The following SLX4IP variants were observed in gnomAD, a reference collection of about 807,000 sequenced individuals.
SLX4IP encodes the protein protein SLX4IP.
Under a neutral mutation model 32.9 loss-of-function variants are expected in SLX4IP, and 34 were observed. The observed-to-expected ratio is 1.03, with a 90% CI of 0.79 to 1.38. SLX4IP has a LOEUF of 1.38. Ranked by LOEUF, SLX4IP falls within the 40% of genes most tolerant of loss-of-function variation. The pLI, the probability that SLX4IP is intolerant of heterozygous loss-of-function variation, is 0.00. For synonymous variants in SLX4IP, 172 were observed against 171.7 expected (o/e 1.00, Z -0.01); for missense variants, 444 against 479.0 (o/e 0.93, Z 0.68).
At chr20:10,560,955 T>C in intron 4 of SLX4IP, 135 bp downstream of exon 4, 9 of 908,078 alleles carry the variant, frequency 9.9e-6, no homozygotes, top group Non-Finnish European at 1.3e-5. Context: ...ATGAAGATAC[T>C]TTGTTTGGGT....
chr20:10,481,083 T>C (rs1317743203), intron 2 of SLX4IP, among the ~76,000 whole-genome samples: 1 of 30 alleles, frequency 0.033, no homozygotes, highest in Non-Finnish European at 0.1. Context: ...TTCTTACAAC[T>C]TTTTTTTTTT....
chr20:10,590,465 A>G (rs1263266258), intron 4 of SLX4IP, among the ~76,000 whole-genome samples: 1 of 151,976 alleles, frequency 6.6e-6, no homozygotes, highest in African/African-American at 2.4e-5. Context: ...GGTTCTAGCA[A>G]TTCTCCTGCC....
At chr20:10,523,022 C>T (rs189557427) in intron 2 of SLX4IP, among the ~76,000 whole-genome samples, 2 of 152,232 alleles carry the variant, frequency 1.3e-5, no homozygotes, top group South Asian at 2.1e-4. Flanking sequence ...CTAAGTCTCC[C>T]GGCCCACTAT....
intron 2 of SLX4IP, among the ~76,000 whole-genome samples, chr20:10,510,611 T>A (rs1389254914): frequency 8.1e-5 from 3 of 36,816 alleles, no homozygotes; most frequent in African/African-American, 1.8e-4. Flanking sequence ...TTTTTATTAT[T>A]TTTTTTTTTT....
At chr20:10,570,241 A>G (rs1214919149) in intron 4 of SLX4IP, among the ~76,000 whole-genome samples, 1 of 152,230 alleles carries the variant, frequency 6.6e-6, no homozygotes, top group Non-Finnish European at 1.5e-5. Context: ...GAGCTTTGGT[A>G]CTGTGCAGAC....
In SLX4IP at chr20:10,625,412, G is replaced by C. The variant is rs1013935211; in HGVS notation, c.*2033G>C. ...TAGCCACTGCCTGCTCCAGAACTAG[G>C]GGGGAGATATTTGAGCTGGAGCCAC... On this transcript the variant is annotated 3_prime_UTR_variant, in exon 8 of 8. Coordinates refer to ENST00000334534, the MANE Select transcript of SLX4IP (RefSeq NM_001009608.3). 6.6e-6 allele frequency: 1 copy of C among 152,198 alleles called. No homozygotes were observed. Among genetic ancestry groups the C allele is most frequent in the Non-Finnish European group, 1.5e-5 (1 of 68,026 alleles). 9.4% of individuals were successfully genotyped at this position (152,198 alleles called of 1,614,324 possible). A position where few individuals can be genotyped will look rare whatever the true frequency, so the allele number is the denominator to read the frequency against.
intron 1 of SLX4IP, among the ~76,000 whole-genome samples, chr20:10,444,126 C>G (rs1189543949): frequency 6.6e-6 from 1 of 150,772 alleles, no homozygotes; most frequent in Non-Finnish European, 1.5e-5. Context: ...GGGACTTATG[C>G]TCAGATACCT....
rs917676130 is a variant in SLX4IP at position 10,479,334 on chromosome 20, C to T, written c.27+21103C>T. ...AGAAGAAAAATTTCCATATTCTCAT[C>T]GCTCAAATTCCATATTTCTTTTTTT... is the stretch of plus-strand genomic sequence containing the variant. On this transcript the variant is annotated intron_variant, in intron 2 of 7. Transcript: ENST00000334534. Among the ~76,000 whole-genome samples, 69 of 148,112 alleles carry T rather than the reference C, an allele frequency of 4.7e-4. 1 individual carries two copies. Among genetic ancestry groups the T allele is most frequent in the Non-Finnish European group, 8.9e-5 (6 of 67,104 alleles).
chr20:10,477,549 G>A (rs1429351164), intron 2 of SLX4IP, among the ~76,000 whole-genome samples: 1 of 152,190 alleles, frequency 6.6e-6, no homozygotes, highest in African/African-American at 2.4e-5. Context: ...TTACAGGCGT[G>A]AGCCACCGTG....
At chr20:10,458,602 A>T (rs368484456) in intron 2 of SLX4IP, among the ~76,000 whole-genome samples, 38 of 151,986 alleles carry the variant, frequency 2.5e-4, no homozygotes, top group Non-Finnish European at 1.2e-4. Context: ...TATAAGTTAG[A>T]CTATGCAGTA....
chr20:10,627,105 C>A lies in SLX4IP; in HGVS notation c.*3726C>A, dbSNP rs1295565593. On this transcript the variant is annotated 3_prime_UTR_variant, in exon 8 of 8. Transcript: ENST00000334534. The stretch of plus-strand genomic sequence containing the variant: ...TTTCCTTGAATTCCTTCTTGGCAGA[C>A]CTTACTGTAATATTACACAAAACTG... The A allele has an allele frequency of 2.0e-5, 3 of 152,228 alleles. No homozygotes were observed. 9.4% of individuals were successfully genotyped at this position (152,228 alleles called of 1,614,324 possible).
chr20:10,474,760 T>C (rs960765789), intron 2 of SLX4IP, among the ~76,000 whole-genome samples: 1 of 152,198 alleles, frequency 6.6e-6, no homozygotes, highest in Non-Finnish European at 1.5e-5. Context: ...GTTTATTCCA[T>C]CTAATCGGGG....
chr20:10,508,168 T>C (rs1164958349), intron 2 of SLX4IP, among the ~76,000 whole-genome samples: 1 of 152,194 alleles, frequency 6.6e-6, no homozygotes, highest in Non-Finnish European at 1.5e-5. Flanking sequence ...GGCCCAGTGC[T>C]CACCTGGCCG....
chr20:10,436,790 G>A (rs2065119513), intron 1 of SLX4IP, among the ~76,000 whole-genome samples: 3 of 152,216 alleles, frequency 2.0e-5, no homozygotes, highest in South Asian at 4.1e-4. Flanking sequence ...ATGTTAGGGC[G>A]TCAATTTAGC....
intron 1 of SLX4IP, among the ~76,000 whole-genome samples, chr20:10,446,411 CAAAA>C (rs36181096): frequency 0.48 from 54,134 of 112,072 alleles, 11,729 homozygotes; most frequent in Non-Finnish European, 0.57. Context: ...GACTCTGTCT[CAAAA>C]AAAAAAAAAA....
intron 1 of SLX4IP, among the ~76,000 whole-genome samples, chr20:10,455,898 A>C (rs1186441389): frequency 6.6e-6 from 1 of 152,132 alleles, no homozygotes; most frequent in East Asian, 1.9e-4. Flanking sequence ...GGTGTGAGCC[A>C]CCGTGCCTGG....
intron 5 of SLX4IP, among the ~76,000 whole-genome samples, 173 bp downstream of exon 5, chr20:10,598,925 CCTCT>C (rs1261383515): frequency 6.6e-6 from 1 of 152,194 alleles, no homozygotes; most frequent in African/African-American, 2.4e-5. Flanking sequence ...GTGTTTACTG[CCTCT>C]CTAAGAACAG....
chr20:10,441,685 C>T (rs1259224396), intron 1 of SLX4IP, among the ~76,000 whole-genome samples: 2 of 150,344 alleles, frequency 1.3e-5, no homozygotes, highest in African/African-American at 2.4e-5. Flanking sequence ...TTTTTTGTTA[C>T]TTGCATTATC....
chr20:10,581,151 G>A (rs766987362), intron 4 of SLX4IP, among the ~76,000 whole-genome samples: 18 of 152,086 alleles, frequency 1.2e-4, no homozygotes, highest in Non-Finnish European at 2.4e-4. Flanking sequence ...AACAAGCAGA[G>A]TAGCAGTGTG....
Sources: allele counts gnomAD v4.1 joint callset (sites outside exome capture counted in the v4.1 genomes callset), GRCh38; gene constraint gnomAD v4.1.1; transcripts MANE v1.5; gene names NCBI Gene and HGNC (gene_info 2026-07-23, HGNC 2026-07-21).